COL14A1: variants seen among roughly 807,000 people sequenced by gnomAD.
COL14A1 encodes the protein collagen alpha-1(XIV) chain.
COL14A1 carries 136 observed loss-of-function variants against 230.3 expected under a neutral mutation model. The ratio of observed to expected loss-of-function variants is 0.59; its 90% CI spans 0.51 to 0.68. The LOEUF (loss-of-function observed/expected upper bound fraction) is 0.68, where lower values mean the gene tolerates loss of function less well. Among genes scored for constraint, COL14A1 ranks in the 30% least tolerant of loss-of-function variants. The probability of loss-of-function intolerance (pLI) is 0.00; values close to 1 mark genes in which losing one functional copy is unlikely to be tolerated. For missense variants in COL14A1, 1,976 were observed against 2,215.8 expected, an observed-to-expected ratio of 0.89 and a Z score of 2.17; for synonymous variants, 792 against 784.1, an observed-to-expected ratio of 1.01 and a Z score of -0.17.
At chr8:120,141,502 A>G (rs1814907466) in intron 1 of COL14A1, among the ~76,000 whole-genome samples, 1 of 152,048 alleles carries the variant, frequency 6.6e-6, no homozygotes, top group South Asian at 2.1e-4. Flanking sequence ...CCATAATTTC[A>G]CCACTGCAGC....
At chr8:120,339,747 A>AG (rs1254073843) in intron 42 of COL14A1, among the ~76,000 whole-genome samples, 1 of 152,122 alleles carries the variant, frequency 6.6e-6, no homozygotes, top group African/African-American at 2.4e-5. Flanking sequence ...TTAAAAAAAA[A>AG]AAGTGTTGGC....
chr8:120,258,121 G>A (rs1276966329), intron 23 of COL14A1, among the ~76,000 whole-genome samples: 2 of 152,130 alleles, frequency 1.3e-5, no homozygotes, highest in African/African-American at 4.8e-5. Flanking sequence ...AAGCCGAAGG[G>A]TCAATTTATT....
intron 5 of COL14A1, among the ~76,000 whole-genome samples, chr8:120,189,196 C>A (rs1332668007): frequency 6.6e-6 from 1 of 152,176 alleles, no homozygotes; most frequent in Non-Finnish European, 1.5e-5. Flanking sequence ...CAGCTGTTTG[C>A]CCCTGGCACA....
At chr8:120,239,819 G>A (rs1818559005) in intron 19 of COL14A1, among the ~76,000 whole-genome samples, 1 of 137,254 alleles carries the variant, frequency 7.3e-6, no homozygotes, top group African/African-American at 2.9e-5. Flanking sequence ...GTTTTGTTTT[G>A]TTTCTGTTTT....
chr8:120,307,529 A>C (rs1408396390), intron 36 of COL14A1, among the ~76,000 whole-genome samples: 4 of 152,224 alleles, frequency 2.6e-5, no homozygotes, highest in Non-Finnish European at 5.9e-5. Context: ...TCCATCACCA[A>C]GCAATTTATG....
At position 120,137,686 on chromosome 8, in the gene COL14A1, C is replaced by T. The variant is rs368803641; in HGVS notation, c.-37-10120C>T. Among the ~76,000 whole-genome samples the T allele has an allele frequency of 1.4e-4, 21 of 151,852 alleles. No individual in the cohort carries two copies. The East Asian group carries it at 2.1e-3, about 15-fold the overall frequency. On this transcript the variant is annotated intron_variant, in intron 1 of 47. Transcript: ENST00000297848. Reference sequence around the variant, plus strand: ...TCCCTTTCAAACATTTAAAAATTTCCGTTGTGATTTCATCTTTGACTCATT... The same window carrying T: ...TCCCTTTCAAACATTTAAAAATTTCTGTTGTGATTTCATCTTTGACTCATT...
chr8:120,208,751 T>A (rs1817527806), intron 11 of COL14A1, among the ~76,000 whole-genome samples: 1 of 152,214 alleles, frequency 6.6e-6, no homozygotes, highest in Non-Finnish European at 1.5e-5. Context: ...GAAATTATGT[T>A]ACTGCTATCT....
intron 19 of COL14A1, among the ~76,000 whole-genome samples, chr8:120,233,744 G>A (rs935682732): frequency 1.3e-5 from 2 of 152,202 alleles, no homozygotes; most frequent in Non-Finnish European, 2.9e-5. Context: ...TTTTAAGTCA[G>A]GTAGTGTAAT....
intron 14 of COL14A1, among the ~76,000 whole-genome samples, chr8:120,220,601 TA>T (rs1475841937): frequency 5.9e-5 from 9 of 151,986 alleles, no homozygotes; most frequent in Non-Finnish European, 1.5e-5. Flanking sequence ...GCTTTTGATT[TA>T]CACTCAATAT....
chr8:120,344,576 A>G (rs1447482094), intron 44 of COL14A1, among the ~76,000 whole-genome samples: 2 of 152,232 alleles, frequency 1.3e-5, no homozygotes, highest in Non-Finnish European at 1.5e-5. Context: ...TACAGTGACA[A>G]TCCAATGCTT....
chr8:120,311,246 A>T (rs1283625144), intron 37 of COL14A1, among the ~76,000 whole-genome samples: 3 of 152,122 alleles, frequency 2.0e-5, no homozygotes. Context: ...CAGTAGTTGG[A>T]GGCCTCTTCT....
At chr8:120,280,153 G>A in intron 29 of COL14A1, 54 bp downstream of exon 29, 3 of 1,582,674 alleles carry the variant, frequency 1.9e-6, no homozygotes, top group Non-Finnish European at 2.6e-6. Flanking sequence ...TGAAATATTT[G>A]ACACTGGTTA....
At chr8:120,340,262 C>T (rs1204852436) in intron 42 of COL14A1, among the ~76,000 whole-genome samples, 1 of 152,056 alleles carries the variant, frequency 6.6e-6, no homozygotes, top group Non-Finnish European at 1.5e-5. Context: ...TCAGTGACAG[C>T]ACATTTGTAG....
chr8:120,219,492 G>T (rs538322769), intron 14 of COL14A1, among the ~76,000 whole-genome samples: 1 of 152,302 alleles, frequency 6.6e-6, no homozygotes, highest in East Asian at 1.9e-4. Flanking sequence ...TGAATTTGCA[G>T]GTGTATTCCT....
At chr8:120,236,602 ATT>A (rs1021712649) in intron 19 of COL14A1, among the ~76,000 whole-genome samples, 1 of 152,158 alleles carries the variant, frequency 6.6e-6, no homozygotes, top group African/African-American at 2.4e-5. Flanking sequence ...TAATTGGGGC[ATT>A]TAGCCCATTT....
chr8:120,321,592 G>A (rs1249168810), intron 40 of COL14A1, among the ~76,000 whole-genome samples: 2 of 150,770 alleles, frequency 1.3e-5, no homozygotes, highest in African/African-American at 4.9e-5. Flanking sequence ...GCAGTGAGCC[G>A]AGATCGCACC....
chr8:120,335,559 G>A (rs1822031316), intron 42 of COL14A1, among the ~76,000 whole-genome samples: 1 of 152,156 alleles, frequency 6.6e-6, no homozygotes, highest in African/African-American at 2.4e-5. Context: ...CAGGCTCCGT[G>A]TCATGGTGTT....
chr8:120,173,930 G>A (rs545199929), intron 5 of COL14A1, among the ~76,000 whole-genome samples: 80 of 152,210 alleles, frequency 5.3e-4, no homozygotes, highest in Non-Finnish European at 9.3e-4. Flanking sequence ...TTTAGTCTAA[G>A]GTATATCATA....
intron 26 of COL14A1, among the ~76,000 whole-genome samples, chr8:120,270,998 A>T (rs1819649283): frequency 6.6e-6 from 1 of 151,832 alleles, no homozygotes; most frequent in African/African-American, 2.4e-5. Context: ...AGTAGACTGG[A>T]TAAAGAAAAT....
Sources: gnomAD v4.1 joint callset for allele counts (sites outside exome capture counted in the v4.1 genomes callset) on GRCh38, gnomAD v4.1.1 for gene constraint, MANE v1.5 for transcripts, NCBI Gene and HGNC (gene_info 2026-07-23, HGNC 2026-07-21) for gene names.